DHRS7C: variants seen among roughly 807,000 people sequenced by gnomAD.
DHRS7C encodes dehydrogenase/reductase 7C.
In DHRS7C, 28 loss-of-function variants were observed where a neutral mutation model predicts 29.6. The ratio of observed to expected loss-of-function variants is 0.95; its 90% CI spans 0.70 to 1.30. The LOEUF is 1.30. Among genes scored for constraint, DHRS7C ranks in the 50% most tolerant of loss-of-function variants. The pLI is 0.00. For missense variants in DHRS7C, 403 were observed against 393.3 expected, an observed-to-expected ratio of 1.02 and a Z score of -0.21; for synonymous variants, 158 against 160.2, an observed-to-expected ratio of 0.99 and a Z score of 0.10.
chr17:9,771,563 G>A lies in DHRS7C; in HGVS notation c.861C>T (p.Thr287=), dbSNP rs1192178908. The change falls in exon 6 of 6, where the codon ACC becomes ACT. Residue 287 remains threonine, a synonymous_variant. Transcript: ENST00000571134. ...CGGCGAAAAAGAACTCCGGGAAGAA[G>A]GTGCGGACGTACACGGCGGCCTTGG... ...PIPKAAVYVR[T]FFPEFFFAVV... 19 of 1,590,938 alleles carry A rather than the reference G, an allele frequency of 1.2e-5. No individual in the cohort carries two copies. The highest frequency in any genetic ancestry group is 1.7e-5 in the Admixed American group (1 of 57,404).
chr17:9,777,855 C>T (rs1461584145), intron 3 of DHRS7C, among the ~76,000 whole-genome samples: 1 of 152,078 alleles, frequency 6.6e-6, no homozygotes, highest in East Asian at 1.9e-4. Flanking sequence ...CTTGGGAGAA[C>T]TTAATTTGTT....
chr17:9,777,071 G>T, intron 4 of DHRS7C, 122 bp downstream of exon 4: 1 of 764,350 alleles, frequency 1.3e-6, no homozygotes, highest in Non-Finnish European at 2.0e-6. Flanking sequence ...AAATCCAGCA[G>T]ATGGTGTCAT....
Position 9,791,397 on chromosome 17 carries a change from G to T in DHRS7C, c.-113C>A. 1 of 1,224,098 alleles carries T rather than the reference G, an allele frequency of 8.2e-7. No individual in the cohort carries two copies. The allele number at this position is 1,224,098 out of a possible 1,614,324, so 75.8% of individuals were successfully genotyped here. On this transcript the variant is annotated 5_prime_UTR_variant, in exon 1 of 6. Coordinates refer to ENST00000571134, the MANE Select transcript of DHRS7C (RefSeq NM_001105571.3). ...CTGCAGGGAGCTCAGCTCTGTGCAA[G>T]CCTCCAAGCTGAACACCCAGTGGGC...
intron 1 of DHRS7C, among the ~76,000 whole-genome samples, chr17:9,790,677 A>G (rs2066449674): frequency 6.6e-6 from 1 of 152,232 alleles, no homozygotes; most frequent in African/African-American, 2.4e-5. Flanking sequence ...CAATGGCAGC[A>G]TGAGGTAGAG....
chr17:9,779,208 C>A (rs2152016460), intron 3 of DHRS7C, among the ~76,000 whole-genome samples: 1 of 152,254 alleles, frequency 6.6e-6, no homozygotes, highest in South Asian at 2.1e-4. Context: ...GGCTTCAGAC[C>A]TGCGTTTGAA....
chr17:9,786,368 T>TA lies in DHRS7C; in HGVS notation c.154+4762dup, dbSNP rs1567703761. 5.7e-3 allele frequency among the ~76,000 whole-genome samples: 602 copies of TA among 106,028 alleles called. 3 individuals carry two copies. The highest frequency in any genetic ancestry group is 9.4e-3 in the Non-Finnish European group (418 of 44,658). 69.6% of individuals were successfully genotyped at this position (106,028 alleles called of 152,430 possible). A position where few individuals can be genotyped will look rare whatever the true frequency, so the allele number is the denominator to read the frequency against. ...TAATAATAATAATAATAATAATAAT[T>TA]AATCAGAAAAGTCAGGAACCGCCTG... On this transcript the variant is annotated intron_variant, in intron 1 of 5. Coordinates refer to ENST00000571134, the MANE Select transcript of DHRS7C (RefSeq NM_001105571.3).
chr17:9,777,324 G>A (rs1383311587), intron 3 of DHRS7C, 39 bp from the exon 4 acceptor site: 2 of 1,582,754 alleles, frequency 1.3e-6, no homozygotes, highest in Non-Finnish European at 1.7e-6. Flanking sequence ...TTAAAACTTT[G>A]AGACTGAGTT....
chr17:9,791,068 C>CCCTGCCAT, intron 1 of DHRS7C, 63 bp downstream of exon 1: 1 of 1,542,024 alleles, frequency 6.5e-7, no homozygotes, highest in Non-Finnish European at 8.8e-7. Context: ...CGCCCTGCCA[C>CCCTGCCAT]CCTGCCATCC....
intron 3 of DHRS7C, among the ~76,000 whole-genome samples, chr17:9,778,129 C>T (rs912285412): frequency 4.6e-5 from 7 of 152,098 alleles, no homozygotes; most frequent in African/African-American, 1.2e-4. Context: ...CAGTGGCTCA[C>T]GCCTGTAATC....
chr17:9,776,422 T>C (rs1450765497), intron 4 of DHRS7C, among the ~76,000 whole-genome samples: 1 of 152,126 alleles, frequency 6.6e-6, no homozygotes, highest in Non-Finnish European at 1.5e-5. Flanking sequence ...GCCCCAGACT[T>C]GGTATTTTGT....
At chr17:9,781,952 C>T (rs1017762950) in intron 1 of DHRS7C, among the ~76,000 whole-genome samples, 2 of 152,196 alleles carry the variant, frequency 1.3e-5, no homozygotes, top group Admixed American at 6.5e-5. Context: ...TGGAGACAAA[C>T]CACCATGTTT....
Position 9,771,493 on chromosome 17 carries a change from C to T in DHRS7C, c.931G>A (p.Gly311Arg), listed in dbSNP as rs759864710. The T allele has an allele frequency of 2.4e-5, 36 of 1,522,090 alleles. No individual in the cohort carries two copies. The highest frequency in any genetic ancestry group is 3.2e-5 in the Non-Finnish European group (36 of 1,131,658). 94.3% of individuals were successfully genotyped at this position (1,522,090 alleles called of 1,614,324 possible). A position where few individuals can be genotyped will look rare whatever the true frequency, so the allele number is the denominator to read the frequency against. The change falls in exon 6 of 6, where the codon GGG becomes AGG. Residue 311 changes from glycine to arginine, a missense_variant. Gly to Arg is a moderately radical substitution (Grantham distance 125, BLOSUM62 -2). Coordinates refer to ENST00000571134, the MANE Select transcript of DHRS7C (RefSeq NM_001105571.3). Reference sequence around the variant, plus strand: ...GCCCATTTGGCCTCCTGCAGTTACCCCTCCTCCGGGACATTGAGCTTCTCC... The same window carrying T: ...GCCCATTTGGCCTCCTGCAGTTACCTCTCCTCCGGGACATTGAGCTTCTCC... Reference protein sequence around the residue: ...VKEKLNVPEEG With the variant: ...VKEKLNVPEER
At chr17:9,780,121 AT>A in intron 2 of DHRS7C, 86 bp from the exon 3 acceptor site, 1 of 1,135,806 alleles carries the variant, frequency 8.8e-7, no homozygotes. Flanking sequence ...AAAGCCACCC[AT>A]TTTGAAATTC....
chr17:9,773,545 C>T (rs901686643), intron 4 of DHRS7C, among the ~76,000 whole-genome samples: 7 of 152,192 alleles, frequency 4.6e-5, no homozygotes, highest in African/African-American at 1.7e-4. Context: ...AGAGCCACAT[C>T]TGGGGTGTGA....
At chr17:9,789,060 A>G (rs2066440140) in intron 1 of DHRS7C, among the ~76,000 whole-genome samples, 2 of 152,212 alleles carry the variant, frequency 1.3e-5, no homozygotes, top group South Asian at 2.1e-4. Flanking sequence ...TGTTTTAAAA[A>G]TGAATGAGAT....
At chr17:9,779,274 C>T (rs568790984) in intron 3 of DHRS7C, among the ~76,000 whole-genome samples, 1 of 152,252 alleles carries the variant, frequency 6.6e-6, no homozygotes, top group African/African-American at 2.4e-5. Flanking sequence ...GACAGGTTCA[C>T]GTAGGAATCA....
At position 9,779,945 on chromosome 17, in the gene DHRS7C, C is replaced by T. The variant is rs1296577986; in HGVS notation, c.358G>A (p.Val120Met). ...CTGGCATTGTTGATGAGGATGTCCA[C>T]ACAGCCATAGCAATCCAGGACTTCT... is the stretch of plus-strand genomic sequence containing the variant. ...AKEVLDCYGC[V>M]DILINNASVK... The change falls in exon 3 of 6, where the codon GTG becomes ATG. Residue 120 changes from valine (V) to methionine (M), a missense_variant. By Grantham distance (21) the Val-to-Met change is conservative (BLOSUM62 1). Coordinates refer to ENST00000571134, the MANE Select transcript of DHRS7C (RefSeq NM_001105571.3). 1.2e-6 allele frequency: 2 copies of T among 1,613,900 alleles called. No homozygotes were observed. Among genetic ancestry groups the T allele is most frequent in the Non-Finnish European group, 1.7e-6 (2 of 1,179,860 alleles).
intron 1 of DHRS7C, among the ~76,000 whole-genome samples, chr17:9,783,197 G>A (rs1370949987): frequency 6.6e-6 from 1 of 152,210 alleles, no homozygotes; most frequent in East Asian, 1.9e-4. Flanking sequence ...AGGGCTCTAG[G>A]AGAGCTCAGT....
intron 1 of DHRS7C, among the ~76,000 whole-genome samples, chr17:9,790,319 C>T (rs1384918688): frequency 6.6e-6 from 1 of 152,164 alleles, no homozygotes; most frequent in Non-Finnish European, 1.5e-5. Context: ...AACTATGTAA[C>T]ATATAAAGTT....
Sources: gnomAD v4.1 joint callset for allele counts (sites outside exome capture counted in the v4.1 genomes callset) on GRCh38, gnomAD v4.1.1 for gene constraint, MANE v1.5 for transcripts, NCBI Gene and HGNC (gene_info 2026-07-23, HGNC 2026-07-21) for gene names.